Variants in MROH2B observed in about 807,000 individuals in gnomAD.
MROH2B encodes the protein maestro heat like repeat family member 2B, also known as maestro heat-like repeat-containing protein family member 2B.
A neutral mutation model predicts 208.6 loss-of-function variants in MROH2B; 177 were observed. The observed-to-expected ratio is 0.85, with a 90% CI of 0.75 to 0.96. The LOEUF is 0.96. MROH2B is among the 40% of genes least tolerant of loss of function. The pLI is 0.00. For missense variants in MROH2B, 2,002 were observed against 1,878.7 expected, an observed-to-expected ratio of 1.07 and a Z score of -1.21; for synonymous variants, 728 against 659.0, an observed-to-expected ratio of 1.10 and a Z score of -1.60.
chr5:41,010,707 A>G (rs1741746864), intron 30 of MROH2B, among the ~76,000 whole-genome samples: 1 of 152,200 alleles, frequency 6.6e-6, no homozygotes, highest in African/African-American at 2.4e-5. Context: ...ATGTCATTAT[A>G]CATTTGTCAA....
At chr5:41,015,786 G>A (rs1741928505) in intron 28 of MROH2B, among the ~76,000 whole-genome samples, 1 of 152,188 alleles carries the variant, frequency 6.6e-6, no homozygotes, top group Non-Finnish European at 1.5e-5. Flanking sequence ...AATAAAAATA[G>A]GAGAGTCTGA....
At chr5:40,998,824 G>A (rs1741294295) in intron 40 of MROH2B, 147 bp from the exon 41 acceptor site, 2 of 639,984 alleles carry the variant, frequency 3.1e-6, no homozygotes, top group Admixed American at 2.7e-5. Context: ...GCACCCCCTA[G>A]AATGATGTCA....
intron 27 of MROH2B, 82 bp downstream of exon 27, chr5:41,018,259 C>T: frequency 1.5e-6 from 2 of 1,364,814 alleles, no homozygotes; most frequent in Non-Finnish European, 2.0e-6. Flanking sequence ...ATCCATCATG[C>T]AGGAGTTTTG....
Position 41,070,882 on chromosome 5 carries a change from T to C in MROH2B, c.-30A>G. 6.2e-7 allele frequency: 1 copy of C among 1,607,158 alleles called. No homozygotes were observed. ...TGGCTGTTTCAGGGTCTCTAAAAGA[T>C]AGCACCTAAGTATTAGAAATAGTAA... On this transcript the variant is annotated 5_prime_UTR_variant, in exon 1 of 42. Transcript: ENST00000399564.
At chr5:41,006,008 G>C (rs796549425) in intron 34 of MROH2B, among the ~76,000 whole-genome samples, 18 of 149,694 alleles carry the variant, frequency 1.2e-4, no homozygotes, top group African/African-American at 4.4e-4. Flanking sequence ...ACTCCAGCCT[G>C]GGCGAAGAGT....
chr5:41,032,983 C>A, intron 23 of MROH2B, 58 bp downstream of exon 23: 1 of 1,604,562 alleles, frequency 6.2e-7, no homozygotes, highest in South Asian at 1.1e-5. Flanking sequence ...AAAGATAGCC[C>A]TGAACTCTTG....
intron 4 of MROH2B, 137 bp downstream of exon 4, chr5:41,065,194 C>T (rs748918890): frequency 1.1e-6 from 1 of 899,764 alleles, no homozygotes; most frequent in Non-Finnish European, 1.6e-6. Context: ...AAACAGCTGC[C>T]CACATCCCTC....
At chr5:41,027,799 C>T (rs1742426344) in intron 24 of MROH2B, among the ~76,000 whole-genome samples, 1 of 152,154 alleles carries the variant, frequency 6.6e-6, no homozygotes, top group Non-Finnish European at 1.5e-5. Context: ...AAATGCCCAT[C>T]AATGATAGAC....
chr5:41,039,035 G>T (rs746108453), intron 20 of MROH2B, 147 bp from the exon 21 acceptor site: 7 of 742,960 alleles, frequency 9.4e-6, no homozygotes, highest in African/African-American at 1.8e-5. Flanking sequence ...ATATACTCTC[G>T]CCTGTTTAAA....
chr5:41,057,319 A>G lies in MROH2B; in HGVS notation c.798T>C (p.Ile266=). ...QILTAAVLYD[I]GLPRSLRRSI... The stretch of plus-strand genomic sequence containing the variant: ...ATCTTCTCAAGCTCCTTGGAAGGCC[A>G]ATGTCATAAAGAACTGCTGCAGTCA... The change falls in exon 8 of 42, where the codon ATT becomes ATC. Residue 266 remains isoleucine, a synonymous_variant. Transcript: ENST00000399564. The G allele has an allele frequency of 1.3e-6, 2 of 1,590,170 alleles. No homozygotes were observed. The highest frequency in any genetic ancestry group is 1.7e-4 in the Middle Eastern group (1 of 6,034).
At chr5:41,029,752 T>C (rs1742501314) in intron 24 of MROH2B, among the ~76,000 whole-genome samples, 1 of 151,976 alleles carries the variant, frequency 6.6e-6, no homozygotes, top group Non-Finnish European at 1.5e-5. Context: ...AAAGTAAAAA[T>C]AGACAAATGG....
At position 41,018,873 on chromosome 5, in the gene MROH2B, T is replaced by A; in HGVS notation, c.2577+10A>T. ...GACTGTCATCCTACTTAGGCCTCAC[T>A]AGTGCATACTTGAATGTGCTCCTTG... On this transcript the variant is annotated intron_variant, in intron 25 of 41. Transcript: ENST00000399564. 7 of 1,613,926 alleles carry A rather than the reference T, an allele frequency of 4.3e-6. No individual in the cohort carries two copies. The highest frequency in any genetic ancestry group is 5.9e-6 in the Non-Finnish European group (7 of 1,179,864).
Position 41,049,378 on chromosome 5 carries a change from T to G in MROH2B, c.1403A>C (p.Glu468Ala), listed in dbSNP as rs17198125. 7.1e-5 allele frequency: 115 copies of G among 1,613,606 alleles called. No individual in the cohort carries two copies. Among genetic ancestry groups the G allele is most frequent in the Non-Finnish European group, 9.7e-5 (114 of 1,179,768 alleles). ...AATTCTGATGATACTAAACAGGGGC[T>G]CCAGAGCTTCTGTGTATTCTGCAGG... ...VVPAEYTEAL[E>A]PLFSIIRILI... Residue 468 changes from glutamate to alanine, a missense_variant, in exon 14 of 42, where the codon GAG becomes GCG. Physicochemically the swap from Glu to Ala is moderately radical, Grantham distance 107. Coordinates refer to ENST00000399564, the MANE Select transcript of MROH2B (RefSeq NM_173489.5).
intron 4 of MROH2B, 44 bp from the exon 5 acceptor site, chr5:41,064,614 C>G: frequency 6.6e-7 from 1 of 1,510,312 alleles, no homozygotes; most frequent in Non-Finnish European, 9.1e-7. Flanking sequence ...TTTATCTTCT[C>G]AAATTTGGGG....
chr5:41,038,694 A>G (rs1188621027), intron 21 of MROH2B, 42 bp downstream of exon 21: 1 of 1,555,142 alleles, frequency 6.4e-7, no homozygotes, highest in Non-Finnish European at 8.7e-7. Flanking sequence ...AGTTTTAGGA[A>G]CCCCAGCCTA....
chr5:41,065,538 G>C (rs1451327962), intron 3 of MROH2B, 48 bp from the exon 4 acceptor site: 1 of 1,520,138 alleles, frequency 6.6e-7, no homozygotes, highest in South Asian at 1.2e-5. Context: ...AAGGGGCAGA[G>C]TGAGTCTATG....
chr5:41,033,731 T>C (rs185304103), intron 22 of MROH2B, 107 bp downstream of exon 22: 9 of 899,966 alleles, frequency 1.0e-5, no homozygotes, highest in African/African-American at 6.7e-5. Flanking sequence ...AACCTTTCAA[T>C]TGGAATCAAA....
At chr5:41,045,302 C>T (rs1372394143) in intron 18 of MROH2B, among the ~76,000 whole-genome samples, 2 of 152,196 alleles carry the variant, frequency 1.3e-5, no homozygotes, top group Admixed American at 6.5e-5. Flanking sequence ...GGCGCCCTTT[C>T]CTAGAACTGG....
At chr5:41,069,852 T>A in intron 1 of MROH2B, 100 bp from the exon 2 acceptor site, 1 of 223,484 alleles carries the variant, frequency 4.5e-6, no homozygotes, top group Non-Finnish European at 8.5e-6. Flanking sequence ...TCATTTATCC[T>A]CTCTCTCTCT....
Sources: gnomAD v4.1 joint callset for allele counts (sites outside exome capture counted in the v4.1 genomes callset) on GRCh38, gnomAD v4.1.1 for gene constraint, MANE v1.5 for transcripts, NCBI Gene and HGNC (gene_info 2026-07-23, HGNC 2026-07-21) for gene names.